GUCY1A2: variants seen among roughly 807,000 people sequenced by gnomAD.
The protein encoded by GUCY1A2 is guanylate cyclase soluble subunit alpha-2.
A neutral mutation model predicts 63.5 loss-of-function variants in GUCY1A2; 27 were observed. The observed-to-expected ratio is 0.43, with a 90% CI of 0.31 to 0.59. The LOEUF is 0.59. GUCY1A2 is among the 20% of genes least tolerant of loss of function. GUCY1A2 has a pLI of 0.11. For missense variants in GUCY1A2, 768 were observed against 913.3 expected (o/e 0.84, Z 2.05); for synonymous variants, 364 against 343.5 (o/e 1.06, Z -0.66).
chr11:106,874,518 T>A (rs907514303), intron 4 of GUCY1A2, among the ~76,000 whole-genome samples: 9 of 152,186 alleles, frequency 5.9e-5, no homozygotes, highest in Non-Finnish European at 1.3e-4. Context: ...GTGACTGCTC[T>A]GTTCATTTGT....
In GUCY1A2 at chr11:106,685,945, C is replaced by A; in HGVS notation, c.*1604G>T. On this transcript the variant is annotated 3_prime_UTR_variant, in exon 8 of 8. Transcript: ENST00000526355. The stretch of plus-strand genomic sequence containing the variant: ...GAAAATTTAAAAACATTAAATGAAC[C>A]TCATAGACTACATTGGAAATTAGTA... 2 of 223,714 alleles carry A rather than the reference C, an allele frequency of 8.9e-6. No homozygotes were observed. The highest frequency in any genetic ancestry group is 8.9e-6 in the Non-Finnish European group (1 of 111,958). The allele number at this position is 223,714 out of a possible 1,614,324, so 13.9% of individuals were successfully genotyped here.
rs1231351499 is a variant in GUCY1A2 at position 106,685,673 on chromosome 11, G to T, written c.*1876C>A. 1 of 228,178 alleles carries T rather than the reference G, an allele frequency of 4.4e-6. No individual in the cohort carries two copies. The highest frequency in any genetic ancestry group is 8.7e-6 in the Non-Finnish European group (1 of 114,902). The allele number at this position is 228,178 out of a possible 1,614,324, so 14.1% of individuals were successfully genotyped here. A position where few individuals can be genotyped will look rare whatever the true frequency, so the allele number is the denominator to read the frequency against. On this transcript the variant is annotated 3_prime_UTR_variant, in exon 8 of 8. Coordinates refer to ENST00000526355, the MANE Select transcript of GUCY1A2 (RefSeq NM_000855.3). ...TTCTAATATAAGCATGAGGATTGAG[G>T]TGCTCCCAGTCTGCTCTGCTCATAC...
intron 5 of GUCY1A2, among the ~76,000 whole-genome samples, chr11:106,781,975 A>ATACT (rs1366288810): frequency 6.6e-6 from 1 of 152,196 alleles, no homozygotes; most frequent in African/African-American, 2.4e-5. Context: ...CTCTAGGCTA[A>ATACT]TACTTAAGAA....
intron 4 of GUCY1A2, among the ~76,000 whole-genome samples, chr11:106,849,025 G>C (rs575183098): frequency 6.6e-6 from 1 of 151,698 alleles, no homozygotes; most frequent in African/African-American, 2.4e-5. Flanking sequence ...GCTACTAACT[G>C]ATGAGCCCTG....
chr11:106,944,575 G>T (rs750150238), intron 3 of GUCY1A2, among the ~76,000 whole-genome samples: 2 of 152,026 alleles, frequency 1.3e-5, no homozygotes, highest in Non-Finnish European at 2.9e-5. Context: ...GAAATAATCT[G>T]AACACCAAAC....
At chr11:106,832,045 G>T (rs1458789268) in intron 4 of GUCY1A2, among the ~76,000 whole-genome samples, 3 of 152,066 alleles carry the variant, frequency 2.0e-5, no homozygotes, top group African/African-American at 7.2e-5. Context: ...TTAAAGGCAA[G>T]TCCCAAGATT....
rs930682998 is a variant in GUCY1A2, at chr11:106,684,476, G to A, written c.*3073C>T. Reference sequence around the variant, plus strand: ...TGGCCAATGTTACCTAATGATTAAGGTCCACAAAGAAGATACAGGGTAGTA... The same window carrying A: ...TGGCCAATGTTACCTAATGATTAAGATCCACAAAGAAGATACAGGGTAGTA... On this transcript the variant is annotated 3_prime_UTR_variant, in exon 8 of 8. Coordinates refer to ENST00000526355, the MANE Select transcript of GUCY1A2 (RefSeq NM_000855.3). 3.7e-5 allele frequency: 7 copies of A among 190,638 alleles called. No individual in the cohort carries two copies. Among genetic ancestry groups the A allele is most frequent in the Non-Finnish European group, 7.7e-5 (7 of 91,034 alleles). The allele number at this position is 190,638 out of a possible 1,614,324, so 11.8% of individuals were successfully genotyped here. A position where few individuals can be genotyped will look rare whatever the true frequency, so the allele number is the denominator to read the frequency against.
chr11:106,740,007 T>C (rs1405789548), intron 6 of GUCY1A2, among the ~76,000 whole-genome samples: 2 of 150,434 alleles, frequency 1.3e-5, no homozygotes, highest in East Asian at 3.9e-4. Context: ...CTTTTTTTTT[T>C]TTTTTTTTTT....
chr11:106,919,532 C>T (rs955982328), intron 4 of GUCY1A2, among the ~76,000 whole-genome samples: 34 of 151,822 alleles, frequency 2.2e-4, no homozygotes, highest in African/African-American at 7.5e-4. Flanking sequence ...CTCAATCAAG[C>T]TGGAAAAAAA....
chr11:106,771,841 G>A (rs1462521655), intron 6 of GUCY1A2, among the ~76,000 whole-genome samples: 2 of 152,072 alleles, frequency 1.3e-5, no homozygotes, highest in African/African-American at 4.8e-5. Flanking sequence ...TTTTCAGCCA[G>A]CAGAAGAAAT....
chr11:106,888,328 G>A (rs1344901115), intron 4 of GUCY1A2, among the ~76,000 whole-genome samples: 1 of 151,752 alleles, frequency 6.6e-6, no homozygotes, highest in Non-Finnish European at 1.5e-5. Context: ...AGCCGGGCGT[G>A]GTGGCGGGTG....
chr11:106,827,828 C>T, intron 4 of GUCY1A2: 3 of 1,599,784 alleles, frequency 1.9e-6, no homozygotes, highest in East Asian at 2.2e-5. Context: ...AAGTGACGCC[C>T]GCGATGCCGC....
chr11:106,873,897 T>C (rs1385452157), intron 4 of GUCY1A2, among the ~76,000 whole-genome samples: 1 of 152,174 alleles, frequency 6.6e-6, no homozygotes, highest in Admixed American at 6.5e-5. Context: ...AAATTGTCTA[T>C]GAACTCTCCA....
chr11:106,790,148 A>C (rs1864631869), intron 5 of GUCY1A2, among the ~76,000 whole-genome samples: 1 of 152,186 alleles, frequency 6.6e-6, no homozygotes, highest in Admixed American at 6.5e-5. Flanking sequence ...CTGGAATAAA[A>C]AAACTTGGAA....
At chr11:107,014,309 A>T (rs1236200084) in intron 1 of GUCY1A2, among the ~76,000 whole-genome samples, 1 of 151,842 alleles carries the variant, frequency 6.6e-6, no homozygotes, top group Non-Finnish European at 1.5e-5. Context: ...GGATGGTCTC[A>T]ATCTCTTGAC....
intron 6 of GUCY1A2, among the ~76,000 whole-genome samples, chr11:106,744,055 C>A (rs1042871465): frequency 2.0e-5 from 3 of 152,070 alleles, no homozygotes; most frequent in Non-Finnish European, 1.5e-5. Flanking sequence ...GTATAACATA[C>A]ATCATTATTA....
rs568889653 is a variant in GUCY1A2 at position 106,807,760 on chromosome 11, C to T, written c.1692+2233G>A. The stretch of plus-strand genomic sequence containing the variant: ...AGGTGGGTACCATCTAATCAGCTGC[C>T]AGCGTGACTAGGATAAAAGCAGGCA... On this transcript the variant is annotated intron_variant, in intron 5 of 7. Coordinates refer to ENST00000526355, the MANE Select transcript of GUCY1A2 (RefSeq NM_000855.3). Among the ~76,000 whole-genome samples the T allele has an allele frequency of 4.9e-4, 74 of 152,290 alleles. 1 individual carries two copies. Among genetic ancestry groups the T allele is most frequent in the Middle Eastern group, 3.4e-3 (1 of 294 alleles).
chr11:106,923,611 G>T (rs190271215), intron 4 of GUCY1A2, among the ~76,000 whole-genome samples: 1 of 151,988 alleles, frequency 6.6e-6, no homozygotes, highest in East Asian at 1.9e-4. Flanking sequence ...ATGACAAAAA[G>T]GTACATTAGG....
At chr11:106,703,884 C>A (rs897467236) in intron 7 of GUCY1A2, among the ~76,000 whole-genome samples, 1 of 151,350 alleles carries the variant, frequency 6.6e-6, no homozygotes, top group African/African-American at 2.4e-5. Flanking sequence ...TATATGATTC[C>A]CACATTTAAG....
Sources: allele counts gnomAD v4.1 joint callset (sites outside exome capture counted in the v4.1 genomes callset), GRCh38; gene constraint gnomAD v4.1.1; transcripts MANE v1.5; gene names NCBI Gene and HGNC (gene_info 2026-07-23, HGNC 2026-07-21).